SLC71A2: variants seen among roughly 807,000 people sequenced by gnomAD.
SLC71A2 encodes hippocampus abundant transcript-like 1.
At chr9:94,454,101 G>A in the SLC71A2 span, 1 of 1,471,762 alleles carries the variant, frequency 6.8e-7, no homozygotes, top group Non-Finnish European at 9.5e-7. Context: ...CTCGTGAACT[G>A]CCAGACAGAT....
At chr9:94,374,984 C>T in the SLC71A2 span, 1 of 1,185,160 alleles carries the variant, frequency 8.4e-7, no homozygotes, top group Non-Finnish European at 1.1e-6. Flanking sequence ...GGTGGGGTCG[C>T]ACCCAGGGCC....
chr9:94,408,440 A>G, the SLC71A2 span, among the ~76,000 whole-genome samples: 1 of 152,216 alleles, frequency 6.6e-6, no homozygotes, highest in Admixed American at 6.5e-5. Context: ...TGAGTTAGAA[A>G]GTGCTCTCTC....
the SLC71A2 span, among the ~76,000 whole-genome samples, chr9:94,443,729 C>T: frequency 6.6e-6 from 1 of 152,312 alleles, no homozygotes; most frequent in African/African-American, 2.4e-5. Context: ...GAAGATGCTG[C>T]AGCAGTGCCC....
the SLC71A2 span, among the ~76,000 whole-genome samples, chr9:94,406,066 A>ATTTTTTT: frequency 0.023 from 1,453 of 63,572 alleles, 117 homozygotes; most frequent in East Asian, 0.047. Flanking sequence ...TGCAACTTGA[A>ATTTTTTT]TTTTTTTTTT....
At chr9:94,417,981 C>T in the SLC71A2 span, among the ~76,000 whole-genome samples, 45 of 151,086 alleles carry the variant, frequency 3.0e-4, 1 homozygote, top group East Asian at 7.5e-3. Flanking sequence ...CTCAGTCTCC[C>T]GAGTAGCTGG....
the SLC71A2 span, among the ~76,000 whole-genome samples, chr9:94,414,029 CTG>C: frequency 6.6e-6 from 1 of 151,996 alleles, no homozygotes; most frequent in Admixed American, 6.6e-5. Context: ...CTTCACCTGA[CTG>C]TTGGTTAGAG....
the SLC71A2 span, among the ~76,000 whole-genome samples, chr9:94,408,836 T>G: frequency 2.1e-5 from 3 of 143,102 alleles, no homozygotes; most frequent in Admixed American, 6.9e-5. Context: ...TGTTTGTTTG[T>G]TTTTTGAGAC....
At chr9:94,401,858 A>T in the SLC71A2 span, among the ~76,000 whole-genome samples, 1 of 152,228 alleles carries the variant, frequency 6.6e-6, no homozygotes, top group Non-Finnish European at 1.5e-5. Flanking sequence ...GCTACTCCAT[A>T]GACAGAGCAG....
the SLC71A2 span, chr9:94,456,211 G>A: frequency 6.4e-7 from 1 of 1,571,382 alleles, no homozygotes; most frequent in East Asian, 2.3e-5. Context: ...TTGACCTGCT[G>A]CCTGACTGTG....
At chr9:94,377,581 TC>T in the SLC71A2 span, among the ~76,000 whole-genome samples, 1 of 150,272 alleles carries the variant, frequency 6.7e-6, no homozygotes, top group Non-Finnish European at 1.5e-5. Flanking sequence ...GATGAAGTCT[TC>T]CTGTTTCCCA....
At chr9:94,385,074 A>G in the SLC71A2 span, among the ~76,000 whole-genome samples, 1 of 151,760 alleles carries the variant, frequency 6.6e-6, no homozygotes, top group Non-Finnish European at 1.5e-5. Flanking sequence ...AGTAAATTTC[A>G]TTTCATTATA....
the SLC71A2 span, among the ~76,000 whole-genome samples, chr9:94,422,593 G>A: frequency 6.6e-6 from 1 of 152,038 alleles, no homozygotes; most frequent in Non-Finnish European, 1.5e-5. Context: ...TTCCAGAGTG[G>A]GTGAACAATT....
the SLC71A2 span, chr9:94,459,374 T>C: frequency 1.9e-6 from 3 of 1,613,992 alleles, no homozygotes; most frequent in Middle Eastern, 1.7e-4. Context: ...GGAGCTCTCT[T>C]CATTTGAGGA....
At chr9:94,438,972 C>T in the SLC71A2 span, among the ~76,000 whole-genome samples, 1 of 151,012 alleles carries the variant, frequency 6.6e-6, no homozygotes, top group African/African-American at 2.4e-5. Flanking sequence ...TTAAAATATA[C>T]CATAATAAGG....
At chr9:94,438,669 C>G in the SLC71A2 span, 1 of 698,162 alleles carries the variant, frequency 1.4e-6, no homozygotes, top group Non-Finnish European at 2.4e-6. Context: ...ATACTGAAAA[C>G]CAGTTTGGAC....
At chr9:94,459,735 A>G in the SLC71A2 span, 13 of 263,490 alleles carry the variant, frequency 4.9e-5, no homozygotes, top group Non-Finnish European at 6.6e-5. Flanking sequence ...TGTAATGACT[A>G]TAGAGTAAGA....
chr9:94,441,721 G>C, the SLC71A2 span, among the ~76,000 whole-genome samples: 6 of 151,804 alleles, frequency 4.0e-5, no homozygotes, highest in African/African-American at 1.2e-4. Context: ...GTGTGTTTTG[G>C]ACATACATTT....
the SLC71A2 span, chr9:94,374,593 TG>T: frequency 1.3e-5 from 2 of 152,826 alleles, no homozygotes; most frequent in African/African-American, 4.8e-5. Flanking sequence ...TCGGGGTCGG[TG>T]CGGTTTGATA....
the SLC71A2 span, among the ~76,000 whole-genome samples, chr9:94,425,162 G>A: frequency 6.6e-6 from 1 of 151,922 alleles, no homozygotes; most frequent in African/African-American, 2.4e-5. Flanking sequence ...AAATTAACCA[G>A]GCATGGTGAC....
Sources: gnomAD v4.1 joint callset for allele counts (sites outside exome capture counted in the v4.1 genomes callset) on GRCh38, gnomAD v4.1.1 for gene constraint, MANE v1.5 for transcripts, NCBI Gene and HGNC (gene_info 2026-07-23, HGNC 2026-07-21) for gene names.